ZNF823: variants seen among roughly 807,000 people sequenced by gnomAD.
The protein encoded by ZNF823 is ZFP 36 for a zinc finger protein.
A neutral mutation model predicts 11.4 loss-of-function variants in ZNF823; 5 were observed. That is an observed-to-expected ratio of 0.44 (90% confidence interval 0.23 to 0.92). The LOEUF (loss-of-function observed/expected upper bound fraction) is 0.92. ZNF823 is among the 40% of genes least tolerant of loss of function. The probability of loss-of-function intolerance (pLI) is 0.24; values close to 1 mark genes in which losing one functional copy is unlikely to be tolerated. For synonymous variants in ZNF823, 234 were observed against 250.5 expected, an observed-to-expected ratio of 0.93 and a Z score of 0.62; for missense variants, 582 against 738.5, an observed-to-expected ratio of 0.79 and a Z score of 2.46.
chr19:11,723,870 C>A (rs890357417), intron 3 of ZNF823, among the ~76,000 whole-genome samples: 4 of 152,030 alleles, frequency 2.6e-5, no homozygotes, highest in African/African-American at 9.7e-5. Context: ...AATACCATTT[C>A]CAAGGGAACT....
At chr19:11,734,590 T>G (rs1384259791) in intron 1 of ZNF823, among the ~76,000 whole-genome samples, 1 of 152,126 alleles carries the variant, frequency 6.6e-6, no homozygotes, top group Non-Finnish European at 1.5e-5. Context: ...CAGGCTGGAG[T>G]GCAGTGGCAC....
intron 1 of ZNF823, among the ~76,000 whole-genome samples, chr19:11,732,169 C>CCTTTTTTT (rs1974909211): frequency 7.4e-6 from 1 of 135,580 alleles, no homozygotes; most frequent in East Asian, 2.2e-4. Context: ...AAAGGTTTCC[C>CCTTTTTTT]TTTTTTTTTT....
At chr19:11,725,537 T>C (rs1974774861) in intron 1 of ZNF823, among the ~76,000 whole-genome samples, 1 of 152,250 alleles carries the variant, frequency 6.6e-6, no homozygotes, top group African/African-American at 2.4e-5. Context: ...AACAGTCGAA[T>C]AGGAACCTGC....
At position 11,723,335 on chromosome 19, in the gene ZNF823, T is replaced by C. The variant is rs987197953; in HGVS notation, c.199A>G (p.Thr67Ala). ...TGACTGTCATCTTTAATTTCACATGTATGACTTCTGTAACAAATAAGAAAT... is the reference window on the plus strand; with the variant it reads ...TGACTGTCATCTTTAATTTCACATGCATGACTTCTGTAACAAATAAGAAAT... ...QNAKRNLRSH[T>A]CEIKDDSQCG... The change falls in exon 4 of 4, where the codon ACA (threonine) becomes GCA (alanine). Residue 67 changes from threonine (T) to alanine (A), a missense_variant. Thr to Ala is a moderately conservative substitution (Grantham distance 58). Coordinates refer to ENST00000341191, the MANE Select transcript of ZNF823 (RefSeq NM_001080493.4). The C allele has an allele frequency of 6.2e-7, 1 of 1,603,138 alleles. No homozygotes were observed. The highest frequency in any genetic ancestry group is 8.5e-7 in the Non-Finnish European group (1 of 1,174,734).
At position 11,725,073 on chromosome 19, in the gene ZNF823, A is replaced by G. The variant is rs576773526; in HGVS notation, c.130+128T>C. On this transcript the variant is annotated intron_variant, in intron 2 of 3. Transcript: ENST00000341191. Reference sequence around the variant, plus strand: ...ATGTAAGACTGTTTGAGGGGCTGACACCTCTAAACCCTGTGTTGTTCAAGG... The same window carrying G: ...ATGTAAGACTGTTTGAGGGGCTGACGCCTCTAAACCCTGTGTTGTTCAAGG... 6.5e-6 allele frequency: 8 copies of G among 1,227,172 alleles called. No individual in the cohort carries two copies. The South Asian group carries it at 1.1e-4, about 17-fold the overall frequency. 76.0% of individuals were successfully genotyped at this position (1,227,172 alleles called of 1,614,324 possible).
chr19:11,724,186 C>T lies in ZNF823; in HGVS notation c.191+8G>A. Reference sequence around the variant, plus strand: ...GGGACATAGCTTTCTTTTGTGGGTGCAAATTACCTTAGATTTCTCTTGGCA... The same window carrying T: ...GGGACATAGCTTTCTTTTGTGGGTGTAAATTACCTTAGATTTCTCTTGGCA... On this transcript the variant is annotated splice_region_variant and intron_variant, in intron 3 of 3. Coordinates refer to ENST00000341191, the MANE Select transcript of ZNF823 (RefSeq NM_001080493.4). 1 of 1,603,556 alleles carries T rather than the reference C, an allele frequency of 6.2e-7. No homozygotes were observed.
At chr19:11,728,973 G>A (rs1409297159) in intron 1 of ZNF823, among the ~76,000 whole-genome samples, 1 of 152,136 alleles carries the variant, frequency 6.6e-6, no homozygotes, top group Non-Finnish European at 1.5e-5. Context: ...AGGAGTTTGA[G>A]ACCAGCCTGT....
intron 1 of ZNF823, among the ~76,000 whole-genome samples, chr19:11,737,989 G>T (rs2080612167): frequency 6.6e-6 from 1 of 152,174 alleles, no homozygotes; most frequent in Non-Finnish European, 1.5e-5. Context: ...CACGAGTCTG[G>T]ATTCTGCCTG....
intron 1 of ZNF823, among the ~76,000 whole-genome samples, chr19:11,727,175 T>C (rs1433768770): frequency 2.0e-5 from 3 of 152,142 alleles, no homozygotes; most frequent in African/African-American, 4.8e-5. Flanking sequence ...ACAAAGATTA[T>C]ATTACCAAAT....
chr19:11,731,173 G>A (rs1197591314), intron 1 of ZNF823, among the ~76,000 whole-genome samples: 5 of 151,868 alleles, frequency 3.3e-5, no homozygotes, highest in Admixed American at 6.6e-5. Context: ...TTAGCCAGGC[G>A]TGGTGGTGCA....
At position 11,722,055 on chromosome 19, in the gene ZNF823, G is replaced by A; in HGVS notation, c.1479C>T (p.His493=). Reference sequence around the variant, plus strand: ...TACACTCATAAGGTTTTTCTACTGTGTGGGTCCTTTTATGTTGAGAAAGGT... The same window carrying A: ...TACACTCATAAGGTTTTTCTACTGTATGGGTCCTTTTATGTTGAGAAAGGT... The part of the protein sequence containing the change: ...FKYLSQHKRT[H]TVEKPYECKT... The change falls in exon 4 of 4, where the codon CAC becomes CAT. Residue 493 remains histidine (H), a synonymous_variant. Transcript: ENST00000341191. This position sits in a 1 kb window ranked among gnomAD's most constrained non-coding sequence, Gnocchi z 5.2. The A allele has an allele frequency of 6.2e-7, 1 of 1,612,906 alleles. No homozygotes were observed. The highest frequency in any genetic ancestry group is 8.5e-7 in the Non-Finnish European group (1 of 1,179,746).
chr19:11,729,365 C>A (rs1387852558), intron 1 of ZNF823, among the ~76,000 whole-genome samples: 1 of 152,030 alleles, frequency 6.6e-6, no homozygotes, highest in African/African-American at 2.4e-5. Context: ...AGGAAAGATA[C>A]AGGGGATGAA....
At chr19:11,733,006 G>T (rs1599708506) in intron 1 of ZNF823, among the ~76,000 whole-genome samples, 2 of 152,236 alleles carry the variant, frequency 1.3e-5, no homozygotes, top group Admixed American at 1.3e-4. Flanking sequence ...CAAGAGCTGG[G>T]AATAACAAAA....
chr19:11,735,025 A>G (rs930180836), intron 1 of ZNF823, among the ~76,000 whole-genome samples: 3 of 152,000 alleles, frequency 2.0e-5, no homozygotes, highest in Non-Finnish European at 4.4e-5. Context: ...CTGTAATCCC[A>G]CCACTTTGGG....
At chr19:11,725,152 G>A (rs1367216374) in intron 2 of ZNF823, 49 bp downstream of exon 2, 2 of 1,594,624 alleles carry the variant, frequency 1.3e-6, no homozygotes, top group South Asian at 2.3e-5. Flanking sequence ...TGATGGCCAG[G>A]AAACAAATGT....
rs1166959212 is a variant in ZNF823, at chr19:11,721,301, T to C, written c.*400A>G. The C allele has an allele frequency of 1.2e-5, 2 of 162,108 alleles. No individual in the cohort carries two copies. Among genetic ancestry groups the C allele is most frequent in the African/African-American group, 2.4e-5 (1 of 41,662 alleles). The allele number at this position is 162,108 out of a possible 1,614,324, so 10.0% of individuals were successfully genotyped here. A position where few individuals can be genotyped will look rare whatever the true frequency, so the allele number is the denominator to read the frequency against. On this transcript the variant is annotated 3_prime_UTR_variant, in exon 4 of 4. Transcript: ENST00000341191. ...ACAAATTTTAATGTTCTGGGTGACATATACCACGTAGGTGGGCCTGCAATG... is the reference window on the plus strand; with the variant it reads ...ACAAATTTTAATGTTCTGGGTGACACATACCACGTAGGTGGGCCTGCAATG...
Position 11,725,240 on chromosome 19 carries a change from T to C in ZNF823, c.91A>G (p.Asn31Asp), listed in dbSNP as rs763233392. 34 of 1,613,956 alleles carry C rather than the reference T, an allele frequency of 2.1e-5. No individual in the cohort carries two copies. Among genetic ancestry groups the C allele is most frequent in the East Asian group, 8.9e-5 (4 of 44,890 alleles). Reference protein sequence around the residue: ...LGPSQKSLYRNVMQETIRNLD... With the variant: ...LGPSQKSLYRDVMQETIRNLD... ...TTCCTAATGGTTTCCTGCATGACAT[T>C]TCTGTAGAGACTCTTCTGTGATGGA... Residue 31 changes from asparagine to aspartate, a missense_variant, in exon 2 of 4, where the codon AAT (asparagine) becomes GAT (aspartate). Physicochemically the swap from Asn to Asp is conservative, Grantham distance 23 (BLOSUM62 1). This residue lies in a region of ZNF823 where 429 missense variants were observed against 553.7 expected (regional missense o/e 0.77). Coordinates refer to ENST00000341191, the MANE Select transcript of ZNF823 (RefSeq NM_001080493.4).
Position 11,723,178 on chromosome 19 carries a change from A to G in ZNF823, c.356T>C (p.Val119Ala). 1 of 1,613,972 alleles carries G rather than the reference A, an allele frequency of 6.2e-7. No homozygotes were observed. Among genetic ancestry groups the G allele is most frequent in the Non-Finnish European group, 8.5e-7 (1 of 1,180,008 alleles). ...CTCACATGATTTGTGTCCAGTGTCA[A>G]CTCTGATGTTGCAATTAAGAGACGA... is the stretch of plus-strand genomic sequence containing the variant. ...GHSSLNCNIR[V>A]DTGHKSCEHQ... The change falls in exon 4 of 4, where the codon GTT becomes GCT. Residue 119 changes from valine to alanine, a missense_variant. This residue lies in a region of ZNF823 where 429 missense variants were observed against 553.7 expected (regional missense o/e 0.77). Coordinates refer to ENST00000341191, the MANE Select transcript of ZNF823 (RefSeq NM_001080493.4).
chr19:11,722,317 T>C lies in ZNF823; in HGVS notation c.1217A>G (p.His406Arg), dbSNP rs767966995. The change falls in exon 4 of 4, where the codon CAT becomes CGT. Residue 406 changes from histidine to arginine, a missense_variant. By Grantham distance (29) the His-to-Arg change is conservative. This residue lies in a region of ZNF823 where 429 missense variants were observed against 553.7 expected (regional missense o/e 0.77). Coordinates refer to ENST00000341191, the MANE Select transcript of ZNF823 (RefSeq NM_001080493.4). The surrounding 1 kb of genome is among the most constrained non-coding windows in gnomAD (Gnocchi z 5.2). ...AFGCPSLFQRHERTHTGEKPY... is the reference protein window; with the variant it reads ...AFGCPSLFQRRERTHTGEKPY... ...TTTCTCTCCAGTGTGAGTCCTTTCA[T>C]GTCTTTGAAATAAACTGGGACAACC... The C allele has an allele frequency of 1.9e-6, 3 of 1,614,228 alleles. No individual in the cohort carries two copies. Among genetic ancestry groups the C allele is most frequent in the South Asian group, 2.2e-5 (2 of 91,092 alleles).
Sources: allele counts gnomAD v4.1 joint callset (sites outside exome capture counted in the v4.1 genomes callset), GRCh38; gene constraint gnomAD v4.1.1; regional missense constraint gnomAD v4.1.1; non-coding constraint Gnocchi (gnomAD v3.1); transcripts MANE v1.5; gene names NCBI Gene and HGNC (gene_info 2026-07-23, HGNC 2026-07-21).